Variants in COL25A1 observed in about 807,000 individuals in gnomAD.
COL25A1 encodes collagen type XXV alpha 1 chain.
In COL25A1, 103 loss-of-function variants were observed where a neutral mutation model predicts 128.4. That is an observed-to-expected ratio of 0.80 (90% CI 0.68 to 0.94). The LOEUF (loss-of-function observed/expected upper bound fraction) is 0.94. COL25A1 is among the 40% of genes least tolerant of loss of function. The pLI, the probability that COL25A1 is intolerant of heterozygous loss-of-function variation, is 0.00. For missense variants in COL25A1, 745 were observed against 840.0 expected (o/e 0.89, Z 1.40); for synonymous variants, 279 against 277.2 (o/e 1.01, Z -0.06).
intron 5 of COL25A1, 126 bp downstream of exon 5, chr4:109,048,042 T>C (rs1560594863): frequency 9.1e-7 from 1 of 1,098,590 alleles, no homozygotes; most frequent in Non-Finnish European, 1.4e-6. Context: ...ACTTTAAGTA[T>C]ACTCTTAAAA....
intron 5 of COL25A1, among the ~76,000 whole-genome samples, chr4:109,026,119 C>G (rs1758249608): frequency 6.6e-6 from 1 of 151,726 alleles, no homozygotes; most frequent in South Asian, 2.1e-4. Context: ...CACACACACA[C>G]ACACACACAC....
intron 3 of COL25A1, among the ~76,000 whole-genome samples, chr4:109,269,483 T>C (rs1170446808): frequency 3.4e-5 from 5 of 148,900 alleles, no homozygotes; most frequent in Non-Finnish European, 7.4e-5. Context: ...GTATTTCTAG[T>C]TCTAGATCCC....
intron 37 of COL25A1, 146 bp from the exon 38 acceptor site, chr4:108,814,075 T>TAGCCAA: frequency 1.6e-6 from 1 of 633,734 alleles, no homozygotes; most frequent in East Asian, 2.8e-5. Context: ...AGCCAATTGA[T>TAGCCAA]TATCTGATAT....
At chr4:108,982,557 A>C (rs1753094528) in intron 6 of COL25A1, among the ~76,000 whole-genome samples, 1 of 152,106 alleles carries the variant, frequency 6.6e-6, no homozygotes, top group Admixed American at 6.6e-5. Context: ...TTATAGAAGA[A>C]CCAGATTCAA....
At chr4:108,868,518 G>A (rs1052649671) in intron 20 of COL25A1, among the ~76,000 whole-genome samples, 2 of 113,448 alleles carry the variant, frequency 1.8e-5, no homozygotes, top group Non-Finnish European at 3.7e-5. Flanking sequence ...GAGGGAGAGA[G>A]AGAGGAAGAA....
intron 3 of COL25A1, among the ~76,000 whole-genome samples, chr4:109,178,191 C>A (rs983824881): frequency 2.6e-5 from 4 of 152,156 alleles, no homozygotes; most frequent in African/African-American, 9.7e-5. Flanking sequence ...TAAGGTGTAA[C>A]AAACATCTGA....
rs895954737 is a variant in COL25A1 at position 109,259,024 on chromosome 4, G to C, written c.367+41559C>G. On this transcript the variant is annotated intron_variant, in intron 3 of 37. Coordinates refer to ENST00000399132, the MANE Select transcript of COL25A1 (RefSeq NM_198721.4). ...TTAACCCACTATATTTTCATATTAT[G>C]TCAAAGTTTACAAATCACTTTTAAA... is the stretch of plus-strand genomic sequence containing the variant. 3.9e-5 allele frequency among the ~76,000 whole-genome samples: 6 copies of C among 152,064 alleles called. 1 individual carries two copies. The South Asian group carries it at 6.2e-4, about 16-fold the overall frequency.
chr4:108,927,590 A>G (rs1746220410), intron 11 of COL25A1, among the ~76,000 whole-genome samples: 1 of 152,198 alleles, frequency 6.6e-6, no homozygotes, highest in African/African-American at 2.4e-5. Flanking sequence ...TCTACAACCC[A>G]GAGCCTGTTA....
chr4:109,253,801 A>G (rs1426018698), intron 3 of COL25A1, among the ~76,000 whole-genome samples: 1 of 152,172 alleles, frequency 6.6e-6, no homozygotes, highest in Admixed American at 6.5e-5. Context: ...ATTTTTAAAC[A>G]TTTAGGCCGG....
At chr4:108,892,036 T>G (rs1426990624) in intron 16 of COL25A1, among the ~76,000 whole-genome samples, 1 of 152,164 alleles carries the variant, frequency 6.6e-6, no homozygotes, top group Non-Finnish European at 1.5e-5. Flanking sequence ...CATGGAATTT[T>G]TATAACTTTT....
chr4:108,841,365 A>AT (rs1188227762), intron 31 of COL25A1, among the ~76,000 whole-genome samples: 4 of 151,974 alleles, frequency 2.6e-5, no homozygotes, highest in Admixed American at 2.6e-4. Flanking sequence ...TAGAGACACC[A>AT]TTAAAAAAAA....
At chr4:108,928,176 C>T (rs1179745851) in intron 11 of COL25A1, among the ~76,000 whole-genome samples, 1 of 152,190 alleles carries the variant, frequency 6.6e-6, no homozygotes, top group Admixed American at 6.6e-5. Context: ...CCCTACACTA[C>T]ACTCAGTAAA....
intron 8 of COL25A1, among the ~76,000 whole-genome samples, chr4:108,952,749 G>GA (rs975508034): frequency 1.4e-4 from 21 of 150,352 alleles, no homozygotes; most frequent in Admixed American, 6.7e-4. Flanking sequence ...CATGGATCAG[G>GA]AAAGAAGATC....
intron 3 of COL25A1, among the ~76,000 whole-genome samples, chr4:109,172,438 G>A (rs1773677443): frequency 6.6e-6 from 1 of 152,168 alleles, no homozygotes; most frequent in African/African-American, 2.4e-5. Context: ...GGGACCTGAA[G>A]ATGAATTTAA....
At chr4:109,157,812 G>A (rs371939285) in intron 3 of COL25A1, among the ~76,000 whole-genome samples, 1 of 152,210 alleles carries the variant, frequency 6.6e-6, no homozygotes, top group East Asian at 1.9e-4. Context: ...AGCAGTCGCT[G>A]AAACGAGACT....
intron 3 of COL25A1, among the ~76,000 whole-genome samples, chr4:109,176,586 G>GT: frequency 6.6e-6 from 1 of 152,220 alleles, no homozygotes; most frequent in South Asian, 2.1e-4. Context: ...TAACCTAAGG[G>GT]TGGTATATTG....
intron 18 of COL25A1, among the ~76,000 whole-genome samples, chr4:108,886,994 G>A (rs535024787): frequency 6.6e-6 from 1 of 152,254 alleles, no homozygotes; most frequent in African/African-American, 2.4e-5. Context: ...ATGTGGGAAA[G>A]TTAGGAAGGA....
In COL25A1 at chr4:109,109,621, G is replaced by A. The variant is rs76339758; in HGVS notation, c.368-59442C>T. ...CTCCCCGCTATCCTCTGCTTCAGTGGCTCCCTTTTACGGTTCATGGTTGTC... is the reference window on the plus strand; with the variant it reads ...CTCCCCGCTATCCTCTGCTTCAGTGACTCCCTTTTACGGTTCATGGTTGTC... On this transcript the variant is annotated intron_variant, in intron 3 of 37. Coordinates refer to ENST00000399132, the MANE Select transcript of COL25A1 (RefSeq NM_198721.4). Among the ~76,000 whole-genome samples the A allele has an allele frequency of 2.2e-3, 341 of 152,244 alleles. 6 individuals carry two copies. In the East Asian group the frequency reaches 0.049, roughly 22 times the overall value.
chr4:109,102,425 T>C (rs1765981348), intron 3 of COL25A1, among the ~76,000 whole-genome samples: 1 of 152,188 alleles, frequency 6.6e-6, no homozygotes, highest in East Asian at 1.9e-4. Flanking sequence ...TCCAGAAATA[T>C]AGTCTAGCTG....
Sources: allele counts gnomAD v4.1 joint callset (sites outside exome capture counted in the v4.1 genomes callset), GRCh38; gene constraint gnomAD v4.1.1; transcripts MANE v1.5; gene names NCBI Gene and HGNC (gene_info 2026-07-23, HGNC 2026-07-21).